DAB1: variants seen among roughly 807,000 people sequenced by gnomAD.
DAB1 encodes the protein DAB adaptor protein 1, also known as disabled homolog 1.
DAB1 carries 15 observed loss-of-function variants against 64.6 expected under a neutral mutation model. That is an observed-to-expected ratio of 0.23 (90% CI 0.16 to 0.36). The LOEUF (loss-of-function observed/expected upper bound fraction) is 0.36, where lower values mean the gene tolerates loss of function less well. Ranked by LOEUF, DAB1 falls within the 10% of genes least tolerant of loss-of-function variation. The pLI is 1.00. For missense variants in DAB1, 596 were observed against 706.7 expected, an observed-to-expected ratio of 0.84 and a Z score of 1.78; for synonymous variants, 235 against 251.9, an observed-to-expected ratio of 0.93 and a Z score of 0.64.
chr1:58,045,944 T>C (rs1004089212), intron 5 of DAB1, among the ~76,000 whole-genome samples: 1 of 152,002 alleles, frequency 6.6e-6, no homozygotes, highest in Non-Finnish European at 1.5e-5. Flanking sequence ...AATTTTTTTT[T>C]TTTTTTTTTG....
intron 9 of DAB1, among the ~76,000 whole-genome samples, chr1:57,061,383 G>A (rs145562853): frequency 4.6e-5 from 7 of 152,282 alleles, no homozygotes; most frequent in African/African-American, 1.7e-4. Context: ...AGAGTCTTAG[G>A]TTTGGAAGGG....
At chr1:58,317,136 TC>T (rs1404383819) in intron 4 of DAB1, among the ~76,000 whole-genome samples, 1 of 152,242 alleles carries the variant, frequency 6.6e-6, no homozygotes, top group Non-Finnish European at 1.5e-5. Context: ...TCTCCCTCAC[TC>T]CCTTTCTCCC....
intron 6 of DAB1, among the ~76,000 whole-genome samples, chr1:57,660,089 A>G (rs183798856): frequency 5.9e-5 from 9 of 152,206 alleles, no homozygotes; most frequent in Non-Finnish European, 1.0e-4. Context: ...ATGAAATAAA[A>G]TCTGAGAATG....
chr1:57,899,937 CTTTTT>C (rs112202232), intron 5 of DAB1, among the ~76,000 whole-genome samples: 1 of 146,022 alleles, frequency 6.8e-6, no homozygotes, highest in African/African-American at 2.5e-5. Context: ...TTATCTTTTT[CTTTTT>C]TTTTTTTATT....
At chr1:58,438,942 G>A (rs1267796742) in intron 3 of DAB1, among the ~76,000 whole-genome samples, 2 of 152,128 alleles carry the variant, frequency 1.3e-5, no homozygotes, top group Non-Finnish European at 2.9e-5. Flanking sequence ...CTGGACCTAA[G>A]ACAGTCACTA....
At chr1:57,302,492 G>C (rs138264113) in intron 1 of DAB1, among the ~76,000 whole-genome samples, 2 of 152,112 alleles carry the variant, frequency 1.3e-5, no homozygotes. Context: ...GTAAGAGCAC[G>C]GTGGGCAGCT....
chr1:57,389,550 T>C (rs920565963), intron 1 of DAB1, among the ~76,000 whole-genome samples: 1 of 152,188 alleles, frequency 6.6e-6, no homozygotes, highest in African/African-American at 2.4e-5. Context: ...GCATATATGA[T>C]GAACTCCTAT....
intron 2 of DAB1, among the ~76,000 whole-genome samples, chr1:57,288,217 TA>T (rs1447944010): frequency 6.6e-6 from 1 of 152,172 alleles, no homozygotes; most frequent in Non-Finnish European, 1.5e-5. Flanking sequence ...ACAAATTAGC[TA>T]TATACTTTTC....
At chr1:57,723,662 C>A (rs965363159) in intron 6 of DAB1, among the ~76,000 whole-genome samples, 2 of 152,196 alleles carry the variant, frequency 1.3e-5, no homozygotes, top group African/African-American at 4.8e-5. Context: ...TCCCCCAAGC[C>A]CTTGTCCCTG....
chr1:58,204,297 G>T (rs926368765), intron 4 of DAB1, among the ~76,000 whole-genome samples: 2 of 152,180 alleles, frequency 1.3e-5, no homozygotes, highest in African/African-American at 4.8e-5. Flanking sequence ...GAAAATAATA[G>T]AACCGAATTA....
intron 2 of DAB1, among the ~76,000 whole-genome samples, chr1:57,166,972 T>A (rs1257095477): frequency 1.3e-5 from 2 of 152,224 alleles, no homozygotes; most frequent in African/African-American, 4.8e-5. Flanking sequence ...GCTCAGATTT[T>A]GGAGAAATTT....
At chr1:57,725,421 CA>C (rs2101764978) in intron 6 of DAB1, among the ~76,000 whole-genome samples, 1 of 152,312 alleles carries the variant, frequency 6.6e-6, no homozygotes, top group Non-Finnish European at 1.5e-5. Context: ...GCCAGTTCTC[CA>C]GGCCCTAAAA....
At chr1:58,463,297 G>A (rs75085356) in intron 3 of DAB1, among the ~76,000 whole-genome samples, 2,685 of 152,254 alleles carry the variant, frequency 0.018, 87 homozygotes, top group African/African-American at 0.061. Flanking sequence ...ACAGGTCGTC[G>A]TATGAGTGCC....
chr1:58,321,631 T>A (rs1402471559), intron 4 of DAB1, among the ~76,000 whole-genome samples: 1 of 152,266 alleles, frequency 6.6e-6, no homozygotes, highest in African/African-American at 2.4e-5. Context: ...GCTTGGTGGG[T>A]CCCACGCCCA....
intron 6 of DAB1, among the ~76,000 whole-genome samples, chr1:57,727,570 G>A (rs1647235041): frequency 6.6e-6 from 1 of 152,156 alleles, no homozygotes. Flanking sequence ...TCCATAAATG[G>A]CTTCTGGATC....
intron 2 of DAB1, among the ~76,000 whole-genome samples, chr1:57,287,031 T>C (rs947714280): frequency 1.3e-5 from 2 of 152,298 alleles, no homozygotes; most frequent in South Asian, 4.1e-4. Context: ...TAAAAACACT[T>C]CCTAGAAAAT....
intron 7 of DAB1, among the ~76,000 whole-genome samples, chr1:57,641,366 C>CTTT (rs1327939060): frequency 5.4e-4 from 62 of 115,380 alleles, no homozygotes; most frequent in African/African-American, 1.9e-3. Flanking sequence ...CCAGTTCCCT[C>CTTT]TTTTTTTTGT....
intron 2 of DAB1, among the ~76,000 whole-genome samples, chr1:57,236,337 G>A (rs1668085654): frequency 6.6e-6 from 1 of 152,172 alleles, no homozygotes; most frequent in Non-Finnish European, 1.5e-5. Flanking sequence ...TTGAGTAGGG[G>A]AAGAAACATG....
intron 3 of DAB1, among the ~76,000 whole-genome samples, chr1:58,476,249 A>C (rs1160477175): frequency 6.6e-6 from 1 of 152,092 alleles, no homozygotes; most frequent in Admixed American, 6.5e-5. Flanking sequence ...TTTGGCTGGA[A>C]CTTTGATAAC....
Sources: allele counts gnomAD v4.1 joint callset (sites outside exome capture counted in the v4.1 genomes callset), GRCh38; gene constraint gnomAD v4.1.1; transcripts MANE v1.5; gene names NCBI Gene and HGNC (gene_info 2026-07-23, HGNC 2026-07-21).